Variants in AOPEP observed in about 807,000 individuals in gnomAD.
The protein encoded by AOPEP is aminopeptidase O (putative).
In AOPEP, 77 loss-of-function variants were observed where a neutral mutation model predicts 98.1. The ratio of observed to expected loss-of-function variants is 0.78; its 90% CI spans 0.65 to 0.95. The LOEUF (loss-of-function observed/expected upper bound fraction) is 0.95, where lower values mean the gene tolerates loss of function less well. AOPEP is among the 40% of genes least tolerant of loss of function. AOPEP has a pLI of 0.00. For synonymous variants in AOPEP, 346 were observed against 365.3 expected (o/e 0.95, Z 0.60); for missense variants, 1,024 against 1,024.7 (o/e 1.00, Z 0.01).
At chr9:95,003,116 G>A (rs1040197427) in intron 11 of AOPEP, among the ~76,000 whole-genome samples, 2 of 148,518 alleles carry the variant, frequency 1.3e-5, no homozygotes, top group African/African-American at 5.2e-5. Context: ...CTTTCCAGTG[G>A]TTCAATGGGA....
At chr9:94,997,898 T>C (rs2061338632) in intron 11 of AOPEP, among the ~76,000 whole-genome samples, 1 of 151,994 alleles carries the variant, frequency 6.6e-6, no homozygotes. Context: ...GGGATCTCAC[T>C]ATGTTGCCCA....
At position 94,872,964 on chromosome 9, in the gene AOPEP, G is replaced by A. The variant is rs375416566; in HGVS notation, c.1365-51022G>A. Among the ~76,000 whole-genome samples, 104 of 152,258 alleles carry A rather than the reference G, an allele frequency of 6.8e-4. 1 individual carries two copies. The South Asian group carries it at 0.021, about 31-fold the overall frequency. The stretch of plus-strand genomic sequence containing the variant: ...TAGCCAGGCAGGAAGATTTGTCAAA[G>A]AGGAACCCAGAGTCCAGGAGAGGCA... On this transcript the variant is annotated intron_variant, in intron 5 of 16. Transcript: ENST00000375315.
intron 9 of AOPEP, among the ~76,000 whole-genome samples, chr9:94,961,929 A>G (rs1482108711): frequency 2.0e-5 from 3 of 152,218 alleles, no homozygotes; most frequent in African/African-American, 7.2e-5. Context: ...TCTCATATGT[A>G]TTGGAACATT....
intron 1 of AOPEP, among the ~76,000 whole-genome samples, chr9:94,733,660 C>A (rs1191105314): frequency 6.6e-6 from 1 of 152,164 alleles, no homozygotes; most frequent in Non-Finnish European, 1.5e-5. Context: ...ACCTTTAAAA[C>A]TTCCTAATTC....
the AOPEP span, among the ~76,000 whole-genome samples, chr9:95,120,605 A>G: frequency 6.6e-6 from 1 of 151,474 alleles, no homozygotes; most frequent in Non-Finnish European, 1.5e-5. Context: ...ACTTTTTTGT[A>G]GAGACTGGGG....
chr9:95,005,759 T>A (rs1160446670), intron 13 of AOPEP, 143 bp downstream of exon 13: 11 of 675,268 alleles, frequency 1.6e-5, no homozygotes, highest in Non-Finnish European at 2.6e-5. Flanking sequence ...ATGGGGAAAT[T>A]CTACAGAAAT....
chr9:95,068,822 G>A (rs2068181172), intron 14 of AOPEP, among the ~76,000 whole-genome samples: 1 of 152,156 alleles, frequency 6.6e-6, no homozygotes, highest in Non-Finnish European at 1.5e-5. Flanking sequence ...CCACTGAGAA[G>A]AGAAGGGGGA....
Position 94,916,094 on chromosome 9 carries a change from G to A in AOPEP, c.1365-7892G>A, listed in dbSNP as rs60109374. On this transcript the variant is annotated intron_variant, in intron 5 of 16. Transcript: ENST00000375315. ...CCAGGATGAGCTATTACGGCTCTCA[G>A]TTGTGCCATTTTATTGCTGTTCTGG... 4.5e-3 allele frequency among the ~76,000 whole-genome samples: 692 copies of A among 152,304 alleles called. 5 individuals are homozygous for A. Among genetic ancestry groups the A allele is most frequent in the African/African-American group, 0.016 (663 of 41,560 alleles).
the AOPEP span, chr9:95,110,415 C>G: frequency 9.8e-7 from 1 of 1,024,680 alleles, no homozygotes; most frequent in African/African-American, 1.7e-5. Flanking sequence ...AAACATCAAC[C>G]AGGATTTTCC....
At chr9:94,922,639 T>C (rs1366675684) in intron 5 of AOPEP, among the ~76,000 whole-genome samples, 2 of 152,168 alleles carry the variant, frequency 1.3e-5, no homozygotes, top group African/African-American at 2.4e-5. Flanking sequence ...CCTTGTTTTT[T>C]TTTTTCCCCT....
chr9:94,808,137 G>C (rs555119936), intron 5 of AOPEP, among the ~76,000 whole-genome samples: 26 of 151,644 alleles, frequency 1.7e-4, no homozygotes, highest in Middle Eastern at 3.4e-3. Flanking sequence ...ATGCCTCCCA[G>C]GTTTAGGCAG....
At chr9:94,743,717 T>C (rs1833790645) in intron 1 of AOPEP, among the ~76,000 whole-genome samples, 1 of 152,102 alleles carries the variant, frequency 6.6e-6, no homozygotes, top group African/African-American at 2.4e-5. Context: ...ACAGAGGCCA[T>C]GGGAGTGGAC....
At chr9:95,068,321 C>G (rs1388544583) in intron 14 of AOPEP, among the ~76,000 whole-genome samples, 1 of 30,970 alleles carries the variant, frequency 3.2e-5, no homozygotes, top group East Asian at 9.8e-4. Flanking sequence ...CGGCCTCCAC[C>G]AGCACTTGTT....
At chr9:95,116,825 C>A in the AOPEP span, among the ~76,000 whole-genome samples, 139 of 152,356 alleles carry the variant, frequency 9.1e-4, no homozygotes, top group African/African-American at 3.3e-3. Flanking sequence ...GGATGAAGCA[C>A]CTTACTGAAC....
At chr9:94,955,845 A>G (rs889952711) in intron 8 of AOPEP, 63 bp from the exon 9 acceptor site, 23 of 1,158,800 alleles carry the variant, frequency 2.0e-5, no homozygotes, top group Admixed American at 1.5e-4. Context: ...GGCTGACTAT[A>G]TAACCATTTT....
chr9:94,830,895 GTTGT>G (rs1173015741), intron 5 of AOPEP, among the ~76,000 whole-genome samples: 4 of 152,236 alleles, frequency 2.6e-5, no homozygotes, highest in East Asian at 3.9e-4. Context: ...TTTTAATGGG[GTTGT>G]TTATTTTTTT....
chr9:94,748,933 G>A (rs1174645340), intron 1 of AOPEP, among the ~76,000 whole-genome samples: 1 of 152,076 alleles, frequency 6.6e-6, no homozygotes, highest in African/African-American at 2.4e-5. Context: ...TATCTCTACT[G>A]TAAACATAAT....
intron 5 of AOPEP, among the ~76,000 whole-genome samples, chr9:94,888,784 T>C (rs776292239): frequency 6.6e-6 from 1 of 152,192 alleles, no homozygotes; most frequent in African/African-American, 2.4e-5. Flanking sequence ...AAGGGACTAC[T>C]ATCTCAGACA....
chr9:95,058,884 C>G (rs2067070397), intron 13 of AOPEP, among the ~76,000 whole-genome samples: 1 of 152,148 alleles, frequency 6.6e-6, no homozygotes, highest in South Asian at 2.1e-4. Context: ...CTCGGAACAT[C>G]ACAGGAGGCT....
Sources: allele counts gnomAD v4.1 joint callset (sites outside exome capture counted in the v4.1 genomes callset), GRCh38; gene constraint gnomAD v4.1.1; transcripts MANE v1.5; gene names NCBI Gene and HGNC (gene_info 2026-07-23, HGNC 2026-07-21).